Variants in PTPRN2 observed in about 807,000 individuals in gnomAD.
The protein encoded by PTPRN2 is protein tyrosine phosphatase receptor type N2, also known as receptor-type tyrosine-protein phosphatase N2.
Under a neutral mutation model 118.8 loss-of-function variants are expected in PTPRN2, and 74 were observed. The observed-to-expected ratio is 0.62, with a 90% confidence interval of 0.52 to 0.76. The LOEUF is 0.76. Among genes scored for constraint, PTPRN2 ranks in the 30% least tolerant of loss-of-function variants. PTPRN2 has a pLI of 0.00. For synonymous variants in PTPRN2, 641 were observed against 608.0 expected (o/e 1.05, Z -0.80); for missense variants, 1,481 against 1,394.4 (o/e 1.06, Z -0.99).
intron 16 of PTPRN2, among the ~76,000 whole-genome samples, chr7:157,601,731 A>G (rs1801677502): frequency 6.6e-6 from 1 of 152,258 alleles, no homozygotes; most frequent in Admixed American, 6.5e-5. Context: ...AGACATCTGC[A>G]AGTTGGAACC....
chr7:158,422,431 G>A (rs1010159513), intron 2 of PTPRN2, among the ~76,000 whole-genome samples: 9 of 152,114 alleles, frequency 5.9e-5, no homozygotes, highest in Non-Finnish European at 8.8e-5. Context: ...GAATTGAGCC[G>A]GAAAACTCTG....
intron 12 of PTPRN2, among the ~76,000 whole-genome samples, chr7:157,798,442 G>A (rs1294778146): frequency 2.6e-5 from 4 of 151,920 alleles, no homozygotes; most frequent in Non-Finnish European, 4.4e-5. Flanking sequence ...ATCAGTAACA[G>A]ACCGGCCATT....
chr7:158,352,678 G>A (rs1808097790), intron 2 of PTPRN2, among the ~76,000 whole-genome samples: 1 of 152,196 alleles, frequency 6.6e-6, no homozygotes, highest in Non-Finnish European at 1.5e-5. Context: ...TGGTAATCCT[G>A]AGTACAATAT....
At chr7:158,443,078 T>C (rs1239002151) in intron 2 of PTPRN2, among the ~76,000 whole-genome samples, 1 of 152,072 alleles carries the variant, frequency 6.6e-6, no homozygotes, top group African/African-American at 2.4e-5. Flanking sequence ...AAACACCTTT[T>C]TTGTTCCCTT....
At chr7:158,147,284 C>A (rs1820192423) in intron 6 of PTPRN2, among the ~76,000 whole-genome samples, 2 of 118,830 alleles carry the variant, frequency 1.7e-5, no homozygotes, top group African/African-American at 6.8e-5. Flanking sequence ...CGCCACGTGT[C>A]TTTCCCCTTC....
At chr7:158,179,768 G>C (rs10236195) in intron 5 of PTPRN2, among the ~76,000 whole-genome samples, 97,225 of 152,064 alleles carry the variant, frequency 0.64, 31,904 homozygotes, top group East Asian at 0.84. Context: ...GTGGAAGCAG[G>C]TTTCCATAAG....
At chr7:158,327,310 TACAC>T (rs1329828194) in intron 2 of PTPRN2, among the ~76,000 whole-genome samples, 7 of 110,686 alleles carry the variant, frequency 6.3e-5, no homozygotes, top group African/African-American at 2.0e-4. Context: ...TTCTCACACA[TACAC>T]ATTCTCACAT....
chr7:158,146,835 C>T (rs539808971), intron 6 of PTPRN2, among the ~76,000 whole-genome samples: 1 of 151,934 alleles, frequency 6.6e-6, no homozygotes, highest in East Asian at 1.9e-4. Flanking sequence ...GTTTTGGAGG[C>T]CAGAGAGACT....
At position 157,578,040 on chromosome 7, in the gene PTPRN2, T is replaced by C. The variant is rs754143868; in HGVS notation, c.2597A>G (p.Asn866Ser). The part of the protein sequence containing the change: ...CYHYWPDEGS[N>S]LYHIYEVNLV... Reference sequence around the variant, plus strand: ...GAGTACCTCATAGATGTGGTAGAGATTGGAGCCTTCATCCGGCCAGTAGTG... The same window carrying C: ...GAGTACCTCATAGATGTGGTAGAGACTGGAGCCTTCATCCGGCCAGTAGTG... Residue 866 changes from asparagine (N) to serine (S), a missense_variant, in exon 18 of 23, where the codon AAT becomes AGT. Physicochemically the swap from Asn to Ser is conservative, Grantham distance 46. Around this residue, in one of 3 missense-constraint regions of PTPRN2, gnomAD observed 362 missense variants for 384.1 expected, o/e 0.94. Coordinates refer to ENST00000389418, the MANE Select transcript of PTPRN2 (RefSeq NM_002847.5). 1 of 1,612,676 alleles carries C rather than the reference T, an allele frequency of 6.2e-7. No homozygotes were observed. Among genetic ancestry groups the C allele is most frequent in the Non-Finnish European group, 8.5e-7 (1 of 1,179,140 alleles).
chr7:158,151,653 C>T (rs1821177047), intron 6 of PTPRN2, among the ~76,000 whole-genome samples: 1 of 152,090 alleles, frequency 6.6e-6, no homozygotes, highest in Non-Finnish European at 1.5e-5. Context: ...ACTCCCCCGC[C>T]CCCTCCTTCT....
At chr7:158,239,271 G>A (rs1406936255) in intron 3 of PTPRN2, among the ~76,000 whole-genome samples, 1 of 152,210 alleles carries the variant, frequency 6.6e-6, no homozygotes, top group African/African-American at 2.4e-5. Flanking sequence ...GTGCAGGGAA[G>A]AGTCAGCAGT....
chr7:158,049,580 C>T (rs1409820685), intron 11 of PTPRN2, among the ~76,000 whole-genome samples: 1 of 152,216 alleles, frequency 6.6e-6, no homozygotes, highest in Non-Finnish European at 1.5e-5. Context: ...ACCAGCCTCA[C>T]AGCTGATCCC....
At chr7:157,852,653 G>A (rs1185329470) in intron 12 of PTPRN2, among the ~76,000 whole-genome samples, 1 of 152,016 alleles carries the variant, frequency 6.6e-6, no homozygotes, top group Non-Finnish European at 1.5e-5. Context: ...GGCGGATCAC[G>A]AGGTCAAGAT....
At position 157,674,717 on chromosome 7, in the gene PTPRN2, G is replaced by A. The variant is rs955423001; in HGVS notation, c.2001+8008C>T. 3.3e-5 allele frequency among the ~76,000 whole-genome samples: 5 copies of A among 152,200 alleles called. No homozygotes were observed. The highest frequency in any genetic ancestry group is 9.6e-5 in the African/African-American group (4 of 41,462). ...ACGGCCTGAGGACCCTCGGCCCCAA[G>A]GTGAGGCCCCGCGCAGGTACCTCTG... On this transcript the variant is annotated intron_variant, in intron 13 of 22. Coordinates refer to ENST00000389418, the MANE Select transcript of PTPRN2 (RefSeq NM_002847.5). The surrounding 1 kb of genome is among the most constrained non-coding windows in gnomAD (Gnocchi z 4.5).
chr7:158,071,391 G>T (rs1427605508), intron 11 of PTPRN2, among the ~76,000 whole-genome samples: 2 of 103,298 alleles, frequency 1.9e-5, no homozygotes, highest in African/African-American at 7.4e-5. Flanking sequence ...GCTCGTGGTG[G>T]AGGTGCTCGT....
chr7:158,043,931 G>A (rs183425501), intron 11 of PTPRN2, among the ~76,000 whole-genome samples: 48 of 152,324 alleles, frequency 3.2e-4, no homozygotes, highest in Non-Finnish European at 5.7e-4. Context: ...AATGTGTTGA[G>A]CACCTAACGT....
intron 1 of PTPRN2, 95 bp downstream of exon 1, chr7:158,587,463 C>T (rs1829038657): frequency 1.5e-6 from 1 of 666,924 alleles, no homozygotes; most frequent in South Asian, 7.2e-5. Context: ...CAGGGTGGCG[C>T]CTCTCCCCAC....
At chr7:158,297,262 ACT>A (rs1177765975) in intron 3 of PTPRN2, among the ~76,000 whole-genome samples, 1 of 152,172 alleles carries the variant, frequency 6.6e-6, no homozygotes, top group Non-Finnish European at 1.5e-5. Flanking sequence ...AGAGCTGCTA[ACT>A]CTCTGGCTTT....
At position 158,134,691 on chromosome 7, in the gene PTPRN2, G is replaced by A. The variant is rs527438518; in HGVS notation, c.1174-632C>T. Reference sequence around the variant, plus strand: ...CCTGAGGGATCTGTGGTCCTCACACGGGCTACAGTCTCCCAGCCGGATCCC... The same window carrying A: ...CCTGAGGGATCTGTGGTCCTCACACAGGCTACAGTCTCCCAGCCGGATCCC... On this transcript the variant is annotated intron_variant, in intron 8 of 22. Transcript: ENST00000389418. Among the ~76,000 whole-genome samples the A allele has an allele frequency of 2.6e-5, 4 of 152,162 alleles. No homozygotes were observed. The East Asian group carries it at 5.8e-4, about 22-fold the overall frequency.
Sources: gnomAD v4.1 joint callset for allele counts (sites outside exome capture counted in the v4.1 genomes callset) on GRCh38, gnomAD v4.1.1 for gene constraint, gnomAD v4.1.1 regional missense constraint, Gnocchi (gnomAD v3.1) non-coding constraint, MANE v1.5 for transcripts, NCBI Gene and HGNC (gene_info 2026-07-23, HGNC 2026-07-21) for gene names.